Variants in DHODH observed in about 807,000 individuals in gnomAD.
DHODH encodes the protein dihydroorotate dehydrogenase (quinone), mitochondrial.
Under a neutral mutation model 39.7 loss-of-function variants are expected in DHODH, and 30 were observed. That is an observed-to-expected ratio of 0.76 (90% CI 0.57 to 1.02). The LOEUF (loss-of-function observed/expected upper bound fraction) is 1.02, where lower values mean the gene tolerates loss of function less well. Among genes scored for constraint, DHODH ranks in the 50% least tolerant of loss-of-function variants. The pLI, the probability that DHODH is intolerant of heterozygous loss-of-function variation, is 0.00. For missense variants in DHODH, 531 were observed against 520.8 expected, an observed-to-expected ratio of 1.02 and a Z score of -0.19; for synonymous variants, 222 against 213.8, an observed-to-expected ratio of 1.04 and a Z score of -0.34.
Position 72,012,118 on chromosome 16 carries a change from C to A in DHODH, c.90C>A (p.Ala30=), listed in dbSNP as rs370288406. 9.1e-5 allele frequency: 147 copies of A among 1,614,000 alleles called. No homozygotes were observed. Among genetic ancestry groups the A allele is most frequent in the Non-Finnish European group, 1.2e-4 (143 of 1,180,012 alleles). ...TTCTCTTCGCCTCCTACCTGATGGC[C>A]ACGGGAGATGAGCGTTTCTATGCTG... The part of the protein sequence containing the change: ...GGLLFASYLM[A]TGDERFYAEH... The change falls in exon 2 of 9, where the codon GCC becomes GCA. Residue 30 remains alanine, a synonymous_variant. Coordinates refer to ENST00000219240, the MANE Select transcript of DHODH (RefSeq NM_001361.5).
At position 72,021,226 on chromosome 16, in the gene DHODH, A is replaced by G. The variant is rs2041212237; in HGVS notation, c.620A>G (p.Tyr207Cys). ...CGCGTACTGGGCCCCCTGGCCGACT[A>G]CCTGGTGGTGAATGTGTCCAGCCCC... ...GVRVLGPLAD[Y>C]LVVNVSSPNT... The change falls in exon 5 of 9, where the codon TAC becomes TGC. Residue 207 changes from tyrosine (Y) to cysteine (C), a missense_variant. Physicochemically the swap from Tyr to Cys is radical, Grantham distance 194. Coordinates refer to ENST00000219240, the MANE Select transcript of DHODH (RefSeq NM_001361.5). 1.2e-6 allele frequency: 2 copies of G among 1,612,734 alleles called. No homozygotes were observed. The highest frequency in any genetic ancestry group is 1.7e-6 in the Non-Finnish European group (2 of 1,179,598).
At chr16:72,019,759 AG>A (rs1294174419) in intron 4 of DHODH, among the ~76,000 whole-genome samples, 1 of 152,196 alleles carries the variant, frequency 6.6e-6, no homozygotes, top group Non-Finnish European at 1.5e-5. Context: ...GGGTACCCTC[AG>A]TTATTATATG....
At chr16:72,024,089 G>T (rs1377479694) in intron 8 of DHODH, 56 bp from the exon 9 acceptor site, 1 of 1,593,862 alleles carries the variant, frequency 6.3e-7, no homozygotes, top group African/African-American at 1.3e-5. Context: ...CTTCCTGTAA[G>T]AGCAGGGCCT....
intron 1 of DHODH, 39 bp from the exon 2 acceptor site, chr16:72,012,011 C>T (rs891067003): frequency 6.3e-7 from 1 of 1,585,380 alleles, no homozygotes; most frequent in Non-Finnish European, 8.7e-7. Flanking sequence ...GTGCTGCAGC[C>T]TGGCCTGGGG....
chr16:72,020,426 G>C (rs1292192498), intron 4 of DHODH: 1 of 144,206 alleles, frequency 6.9e-6, no homozygotes, highest in African/African-American at 2.6e-5. Flanking sequence ...CCTTAGGCTG[G>C]AGTGCAGTGG....
rs1567576069 is a variant in DHODH at position 72,027,002 on chromosome 16, TGTG to T, written c.*2804_*2806del. ...GTGTGTGTGTGTGTGTGTGTGTGTG[TGTG>T]TGTGTTTTTGAGATGGAGTCCTGCT... On this transcript the variant is annotated 3_prime_UTR_variant, in exon 9 of 9. Transcript: ENST00000219240. 1,512 of 79,510 alleles carry T rather than the reference TGTG, an allele frequency of 0.019. 39 individuals are homozygous for T. Among genetic ancestry groups the T allele is most frequent in the East Asian group, 0.051 (142 of 2,772 alleles). The allele number at this position is 79,510 out of a possible 1,614,324, so 4.9% of individuals were successfully genotyped here.
chr16:72,014,328 A>G (rs556217863), intron 2 of DHODH, 145 bp from the exon 3 acceptor site: 184 of 759,778 alleles, frequency 2.4e-4, no homozygotes, highest in Non-Finnish European at 3.0e-4. Flanking sequence ...TCCACCCCCA[A>G]AGATTTTGAC....
At position 72,012,369 on chromosome 16, in the gene DHODH, C is replaced by G. The variant is rs1465457; in HGVS notation, c.234+107C>G. 0.33 allele frequency: 307,006 copies of G among 931,120 alleles called. 55,679 individuals carry two copies. The highest frequency in any genetic ancestry group is 0.64 in the East Asian group (25,124 of 39,008). 57.7% of individuals were successfully genotyped at this position (931,120 alleles called of 1,614,324 possible). A position where few individuals can be genotyped will look rare whatever the true frequency, so the allele number is the denominator to read the frequency against. On this transcript the variant is annotated intron_variant, in intron 2 of 8. Transcript: ENST00000219240. Reference sequence around the variant, plus strand: ...TTTGAAAACCAGAACCCCAAGTGAGCAGTGGGGATTTGGAATTCAGTCTGA... The same window carrying G: ...TTTGAAAACCAGAACCCCAAGTGAGGAGTGGGGATTTGGAATTCAGTCTGA...
chr16:72,013,108 A>C (rs946757102), intron 2 of DHODH, among the ~76,000 whole-genome samples: 5 of 152,192 alleles, frequency 3.3e-5, no homozygotes, highest in African/African-American at 1.2e-4. Context: ...GGGAAGGGTC[A>C]CTGTTATAAA....
At chr16:72,020,809 A>G (rs2041204804) in intron 4 of DHODH, among the ~76,000 whole-genome samples, 1 of 152,082 alleles carries the variant, frequency 6.6e-6, no homozygotes, top group East Asian at 1.9e-4. Context: ...TATTCAATTT[A>G]TGAGGCCCAT....
At position 72,021,264 on chromosome 16, in the gene DHODH, C is replaced by A; in HGVS notation, c.658C>A (p.Leu220Met). ...TGTGTCCAGCCCCAACACTGCCGGG[C>A]TGCGGAGCCTTCAGGGAAAGGCCGA... The part of the protein sequence containing the change: ...VNVSSPNTAG[L>M]RSLQGKAELR... The change falls in exon 5 of 9, where the codon CTG (leucine) becomes ATG (methionine). Residue 220 changes from leucine to methionine, a missense_variant. Coordinates refer to ENST00000219240, the MANE Select transcript of DHODH (RefSeq NM_001361.5). The A allele has an allele frequency of 6.2e-7, 1 of 1,612,600 alleles. No individual in the cohort carries two copies.
At position 72,021,212 on chromosome 16, in the gene DHODH, C is replaced by A. The variant is rs573177564; in HGVS notation, c.606C>A (p.Gly202=). Residue 202 remains glycine, a synonymous_variant, in exon 5 of 9, where the codon GGC becomes GGA. Coordinates refer to ENST00000219240, the MANE Select transcript of DHODH (RefSeq NM_001361.5). ...ACGCAGAAGGGGTGCGCGTACTGGG[C>A]CCCCTGGCCGACTACCTGGTGGTGA... The part of the protein sequence containing the change: ...EDYAEGVRVL[G]PLADYLVVNV... The A allele has an allele frequency of 1.2e-6, 2 of 1,611,552 alleles. No individual in the cohort carries two copies. Among genetic ancestry groups the A allele is most frequent in the South Asian group, 1.1e-5 (1 of 90,464 alleles).
intron 2 of DHODH, among the ~76,000 whole-genome samples, chr16:72,012,659 G>T (rs1213012323): frequency 6.6e-6 from 1 of 152,216 alleles, no homozygotes; most frequent in Non-Finnish European, 1.5e-5. Context: ...GTCCTGCCTT[G>T]CTGAGGTCGT....
rs2041092272 is a variant in DHODH at position 72,012,294 on chromosome 16, A to G, written c.234+32A>G. 4.4e-6 allele frequency: 7 copies of G among 1,602,292 alleles called. No homozygotes were observed. The South Asian group carries it at 5.5e-5, about 13-fold the overall frequency. ...CTCCCAGACACCCTATACATTAAATACAAAGGCGAAGGCTGCAGTCCCCTA... is the reference window on the plus strand; with the variant it reads ...CTCCCAGACACCCTATACATTAAATGCAAAGGCGAAGGCTGCAGTCCCCTA... On this transcript the variant is annotated intron_variant, in intron 2 of 8. Coordinates refer to ENST00000219240, the MANE Select transcript of DHODH (RefSeq NM_001361.5).
chr16:72,017,788 T>TTTTTTTTTTTTTTTTA, intron 4 of DHODH, among the ~76,000 whole-genome samples: 1 of 143,752 alleles, frequency 7.0e-6, no homozygotes, highest in African/African-American at 2.5e-5. Context: ...TTTTTTTTTT[T>TTTTTTTTTTTTTTTTA]GAGACGGAGT....
chr16:72,009,836 G>C (rs1597392547), intron 1 of DHODH, among the ~76,000 whole-genome samples: 1 of 152,108 alleles, frequency 6.6e-6, no homozygotes, highest in African/African-American at 2.4e-5. Context: ...GGCTGGTCTC[G>C]AACTCCTCAC....
Position 72,022,481 on chromosome 16 carries a change from A to G in DHODH, c.819+6A>G, listed in dbSNP as rs2041232044. ...TTGCCAGTGTGGTCAAAGAGGTTTGAGTCGGGGCCTGGGCCCAGGGTGTGC... is the reference window on the plus strand; with the variant it reads ...TTGCCAGTGTGGTCAAAGAGGTTTGGGTCGGGGCCTGGGCCCAGGGTGTGC... On this transcript the variant is annotated splice_donor_region_variant and intron_variant, in intron 6 of 8. Coordinates refer to ENST00000219240, the MANE Select transcript of DHODH (RefSeq NM_001361.5). The G allele has an allele frequency of 4.5e-6, 7 of 1,549,372 alleles. No homozygotes were observed. In the East Asian group the frequency reaches 1.7e-4, roughly 38 times the overall value.
chr16:72,017,603 C>A (rs1379723262), intron 4 of DHODH, among the ~76,000 whole-genome samples: 2 of 152,156 alleles, frequency 1.3e-5, no homozygotes, highest in Non-Finnish European at 1.5e-5. Context: ...GGAAAATATT[C>A]TTCATGAGTT....
chr16:72,018,159 G>A, intron 4 of DHODH, among the ~76,000 whole-genome samples: 1 of 152,214 alleles, frequency 6.6e-6, no homozygotes, highest in Non-Finnish European at 1.5e-5. Flanking sequence ...GCACTTAGTG[G>A]TCGCAGCCCT....
Sources: allele counts gnomAD v4.1 joint callset (sites outside exome capture counted in the v4.1 genomes callset), GRCh38; gene constraint gnomAD v4.1.1; transcripts MANE v1.5; gene names NCBI Gene and HGNC (gene_info 2026-07-23, HGNC 2026-07-21).